The following DCAF8L2 variants were observed in gnomAD, a reference collection of about 807,000 sequenced individuals.
DCAF8L2 encodes DDB1 and CUL4 associated factor 8 like 2.
For missense variants in DCAF8L2, 430 were observed against 490.7 expected, an observed-to-expected ratio of 0.88 and a Z score of 1.17; for synonymous variants, 200 against 190.9, an observed-to-expected ratio of 1.05 and a Z score of -0.39.
intron 2 of DCAF8L2, among the ~76,000 whole-genome samples, chrX:27,671,043 C>T (rs772741578): frequency 2.7e-5 from 3 of 111,718 alleles, no homozygotes; most frequent in South Asian, 7.6e-4. Flanking sequence ...TTCTTTAGGT[C>T]AAACACACTG....
At chrX:27,478,275 T>C in the DCAF8L2 span, among the ~76,000 whole-genome samples, 2 of 112,312 alleles carry the variant, frequency 1.8e-5, no homozygotes, top group Admixed American at 1.9e-4. Flanking sequence ...AATGTAAATG[T>C]AACCCTCTTG....
the DCAF8L2 span, among the ~76,000 whole-genome samples, chrX:27,565,458 A>G: frequency 5.4e-5 from 6 of 111,712 alleles, no homozygotes; most frequent in Admixed American, 3.8e-4. Flanking sequence ...TCAGTTTGCT[A>G]GTATTTAATT....
At chrX:27,532,319 G>T in the DCAF8L2 span, among the ~76,000 whole-genome samples, 67 of 111,452 alleles carry the variant, frequency 6.0e-4, no homozygotes, top group African/African-American at 2.0e-3. Context: ...AATGCTCAGA[G>T]AATTGAAAGG....
At chrX:27,597,482 T>C (rs1266087831) in intron 1 of DCAF8L2, among the ~76,000 whole-genome samples, 1 of 111,442 alleles carries the variant, frequency 9.0e-6, no homozygotes, top group Non-Finnish European at 1.9e-5. Context: ...AAAATAAATA[T>C]AAAAATTATG....
chrX:27,581,836 G>A, the DCAF8L2 span, among the ~76,000 whole-genome samples: 8 of 111,970 alleles, frequency 7.1e-5, no homozygotes, highest in Non-Finnish European at 3.8e-5. Flanking sequence ...CGCCCACCTC[G>A]GCATCCCAAA....
chrX:27,672,701 T>G (rs1428100846), intron 2 of DCAF8L2, among the ~76,000 whole-genome samples: 1 of 112,315 alleles, frequency 8.9e-6, no homozygotes, highest in Non-Finnish European at 1.9e-5. Context: ...TTCTGACTAA[T>G]GCAGTCTGAA....
intron 4 of DCAF8L2, among the ~76,000 whole-genome samples, chrX:27,721,584 ATTAG>A (rs1033957258): frequency 9.0e-5 from 10 of 111,725 alleles, no homozygotes; most frequent in Non-Finnish European, 1.7e-4. Context: ...GACAAGAGAA[ATTAG>A]TTAGAAAACA....
At chrX:27,534,536 T>C in the DCAF8L2 span, among the ~76,000 whole-genome samples, 1 of 112,236 alleles carries the variant, frequency 8.9e-6, no homozygotes, top group African/African-American at 3.2e-5. Context: ...TATGACAAAA[T>C]GATTCCAAGT....
the DCAF8L2 span, among the ~76,000 whole-genome samples, chrX:27,486,404 C>T: frequency 1.8e-5 from 2 of 111,600 alleles, no homozygotes; most frequent in Non-Finnish European, 3.8e-5. Context: ...TGTTTCATAA[C>T]AAAGAGATTT....
intron 2 of DCAF8L2, among the ~76,000 whole-genome samples, chrX:27,642,880 A>G (rs1453416673): frequency 8.9e-6 from 1 of 112,022 alleles, no homozygotes; most frequent in East Asian, 2.8e-4. Flanking sequence ...AGGTGATATG[A>G]CAAGCATCAT....
intron 2 of DCAF8L2, among the ~76,000 whole-genome samples, chrX:27,648,608 A>G (rs1013720032): frequency 3.6e-5 from 4 of 109,777 alleles, no homozygotes; most frequent in Admixed American, 9.9e-5. Flanking sequence ...GAACAAAAAT[A>G]TGCAAACATT....
chrX:27,636,447 G>A (rs915094099), intron 2 of DCAF8L2, among the ~76,000 whole-genome samples: 3 of 112,049 alleles, frequency 2.7e-5, no homozygotes, highest in African/African-American at 9.7e-5. Flanking sequence ...ATTAAAAACT[G>A]TGTTTATTCA....
intron 1 of DCAF8L2, among the ~76,000 whole-genome samples, chrX:27,616,289 A>G (rs1480427064): frequency 1.8e-5 from 2 of 110,665 alleles, no homozygotes; most frequent in Non-Finnish European, 3.8e-5. Flanking sequence ...GGCCTTTCCA[A>G]TAGTGAATAA....
chrX:27,478,330 G>T, the DCAF8L2 span, among the ~76,000 whole-genome samples: 4 of 111,967 alleles, frequency 3.6e-5, no homozygotes, highest in African/African-American at 6.5e-5. Context: ...ATACATAAAA[G>T]GTGCTTTTTA....
chrX:27,668,291 CA>C, intron 2 of DCAF8L2, among the ~76,000 whole-genome samples: 1 of 111,742 alleles, frequency 8.9e-6, no homozygotes, highest in Non-Finnish European at 1.9e-5. Flanking sequence ...TGTGGTTTTT[CA>C]AAAACAGACT....
chrX:27,678,980 C>T (rs189468026), intron 3 of DCAF8L2, among the ~76,000 whole-genome samples: 60 of 110,537 alleles, frequency 5.4e-4, no homozygotes, highest in African/African-American at 1.5e-3. Flanking sequence ...TGTATGTGGA[C>T]GGAAATGTGT....
chrX:27,744,779 A>G (rs1464695458), intron 4 of DCAF8L2, among the ~76,000 whole-genome samples: 1 of 110,864 alleles, frequency 9.0e-6, no homozygotes, highest in Non-Finnish European at 1.9e-5. Flanking sequence ...TGTTATAAAG[A>G]GTTTTGCACC....
At chrX:27,476,359 C>G in the DCAF8L2 span, among the ~76,000 whole-genome samples, 1 of 111,109 alleles carries the variant, frequency 9.0e-6, no homozygotes, top group Non-Finnish European at 1.9e-5. Context: ...TTGATAAATT[C>G]AAGAAATATA....
intron 3 of DCAF8L2, among the ~76,000 whole-genome samples, chrX:27,696,193 C>T (rs1039556064): frequency 3.2e-5 from 3 of 92,700 alleles, no homozygotes; most frequent in Non-Finnish European, 6.2e-5. Flanking sequence ...AGTTAGACTC[C>T]GTCAGAAGAA....
Sources: allele counts gnomAD v4.1 joint callset (sites outside exome capture counted in the v4.1 genomes callset), GRCh38; gene constraint gnomAD v4.1.1; transcripts MANE v1.5; gene names NCBI Gene and HGNC (gene_info 2026-07-23, HGNC 2026-07-21).